The following TUBA8 variants were observed in gnomAD, a reference collection of about 807,000 sequenced individuals.
TUBA8 encodes tubulin alpha-8 chain.
Under a neutral mutation model 34.7 loss-of-function variants are expected in TUBA8, and 29 were observed. The observed-to-expected ratio is 0.84, with a 90% CI of 0.62 to 1.14. The LOEUF (loss-of-function observed/expected upper bound fraction) is 1.14, where lower values mean the gene tolerates loss of function less well. TUBA8 is among the 50% of genes most tolerant of loss of function. TUBA8 has a pLI of 0.00. For missense variants in TUBA8, 541 were observed against 599.2 expected, an observed-to-expected ratio of 0.90 and a Z score of 1.01; for synonymous variants, 226 against 231.2, an observed-to-expected ratio of 0.98 and a Z score of 0.21.
At chr22:18,130,590 A>ATT (rs362251) in intron 4 of TUBA8, 445 of 481,576 alleles carry the variant, frequency 9.2e-4, no homozygotes, top group Middle Eastern at 2.2e-3. Context: ...GGCCTGGCTA[A>ATT]TTTTTTTTTT....
At position 18,121,485 on chromosome 22, in the gene TUBA8, T is replaced by C. The variant is rs1928144714; in HGVS notation, c.10T>C (p.Cys4Arg). Residue 4 changes from cysteine (C) to arginine (R), a missense_variant, in exon 2 of 5, where the codon TGC becomes CGC. Coordinates refer to ENST00000330423, the MANE Select transcript of TUBA8 (RefSeq NM_018943.3). This position sits in a 1 kb window ranked among gnomAD's most constrained non-coding sequence, Gnocchi z 4.8. MRE[C>R]ISVHVGQAGV... ...TGCTTCCCTCTCCCCACAGCGGGAA[T>C]GCATATCAGTCCACGTGGGCCAAGC... 6.2e-7 allele frequency: 1 copy of C among 1,614,100 alleles called. No individual in the cohort carries two copies. The highest frequency in any genetic ancestry group is 2.2e-5 in the East Asian group (1 of 44,870).
Position 18,121,411 on chromosome 22 carries a change from G to A in TUBA8, c.4-68G>A, listed in dbSNP as rs1467393285. 1 of 1,405,644 alleles carries A rather than the reference G, an allele frequency of 7.1e-7. No individual in the cohort carries two copies. The highest frequency in any genetic ancestry group is 1.0e-6 in the Non-Finnish European group (1 of 990,318). 87.1% of individuals were successfully genotyped at this position (1,405,644 alleles called of 1,614,324 possible). On this transcript the variant is annotated intron_variant, in intron 1 of 4. Coordinates refer to ENST00000330423, the MANE Select transcript of TUBA8 (RefSeq NM_018943.3). The surrounding 1 kb of genome is among the most constrained non-coding windows in gnomAD (Gnocchi z 4.8). ...GGCTGGCCTGCAAGGTGAATGTTAT[G>A]GGGATGTAGGGCAAAGGCATGCTGG...
At position 18,131,462 on chromosome 22, in the gene TUBA8, C is replaced by T. The variant is rs1462708249; in HGVS notation, c.*326C>T. The T allele has an allele frequency of 2.8e-6, 1 of 353,050 alleles. No individual in the cohort carries two copies. Among genetic ancestry groups the T allele is most frequent in the Non-Finnish European group, 5.3e-6 (1 of 186,958 alleles). 21.9% of individuals were successfully genotyped at this position (353,050 alleles called of 1,614,324 possible). ...GATCGGGCTGGGTCCAGCCCCAAAA[C>T]ATGGCCTGCTGGCTGGGGAGTGGGA... On this transcript the variant is annotated 3_prime_UTR_variant, in exon 5 of 5. Coordinates refer to ENST00000330423, the MANE Select transcript of TUBA8 (RefSeq NM_018943.3). The surrounding 1 kb of genome is among the most constrained non-coding windows in gnomAD (Gnocchi z 5.3).
Position 18,131,071 on chromosome 22 carries a change from G to C in TUBA8, c.1285G>C (p.Glu429Gln). Residue 429 changes from glutamate (E) to glutamine (Q), a missense_variant, in exon 5 of 5, where the codon GAG (glutamate) becomes CAG (glutamine). Coordinates refer to ENST00000330423, the MANE Select transcript of TUBA8 (RefSeq NM_018943.3). This position sits in a 1 kb window ranked among gnomAD's most constrained non-coding sequence, Gnocchi z 5.3. ...GGCCAGGGAAGACTTAGCTGCCCTG[G>C]AGAAGGATTATGAAGAAGTGGGGAC... ...SEAREDLAAL[E>Q]KDYEEVGTDS... is the part of the protein sequence containing the mutation. The C allele has an allele frequency of 6.2e-7, 1 of 1,614,216 alleles. No homozygotes were observed. Among genetic ancestry groups the C allele is most frequent in the Non-Finnish European group, 8.5e-7 (1 of 1,180,032 alleles).
rs142333748 is a variant in TUBA8 at position 18,124,353 on chromosome 22, G to T, written c.375+49G>T. ...GGGTGGGTCAGGCTGGAGTGGACAG[G>T]CTTGGCCCCATGCCTCTTTGATCAG... On this transcript the variant is annotated intron_variant, in intron 3 of 4. Coordinates refer to ENST00000330423, the MANE Select transcript of TUBA8 (RefSeq NM_018943.3). This position sits in a 1 kb window ranked among gnomAD's most constrained non-coding sequence, Gnocchi z 4.3. The T allele has an allele frequency of 6.9e-6, 11 of 1,587,936 alleles. No individual in the cohort carries two copies. The highest frequency in any genetic ancestry group is 1.8e-5 in the Admixed American group (1 of 56,928).
In TUBA8 at chr22:18,110,882, G is replaced by T; in HGVS notation, c.3+14G>T. On this transcript the variant is annotated intron_variant, in intron 1 of 4. Coordinates refer to ENST00000330423, the MANE Select transcript of TUBA8 (RefSeq NM_018943.3). This position sits in a 1 kb window ranked among gnomAD's most constrained non-coding sequence, Gnocchi z 6.2. Reference sequence around the variant, plus strand: ...GCGGCAGCGATGGTGAGGCTTCCCGGGGCCAGGCGGGCTGCGGGCGCGCGG... The same window carrying T: ...GCGGCAGCGATGGTGAGGCTTCCCGTGGCCAGGCGGGCTGCGGGCGCGCGG... 1 of 1,546,676 alleles carries T rather than the reference G, an allele frequency of 6.5e-7. No individual in the cohort carries two copies. Among genetic ancestry groups the T allele is most frequent in the East Asian group, 2.4e-5 (1 of 42,148 alleles).
At position 18,126,896 on chromosome 22, in the gene TUBA8, C is replaced by A. The variant is rs1569201091; in HGVS notation, c.918C>A (p.Asp306Glu). Reference protein sequence around the residue: ...FEPNSQMVKCDPRHGKYMACC... With the variant: ...FEPNSQMVKCEPRHGKYMACC... ...CCAACAGCCAGATGGTGAAGTGCGA[C>A]CCGAGACATGGCAAGTACATGGCCT... is the stretch of plus-strand genomic sequence containing the variant. Residue 306 changes from aspartate to glutamate, a missense_variant, in exon 4 of 5, where the codon GAC becomes GAA. Physicochemically the swap from Asp to Glu is conservative, Grantham distance 45. Coordinates refer to ENST00000330423, the MANE Select transcript of TUBA8 (RefSeq NM_018943.3). The surrounding 1 kb of genome is among the most constrained non-coding windows in gnomAD (Gnocchi z 4.0). The A allele has an allele frequency of 1.2e-6, 2 of 1,611,762 alleles. No homozygotes were observed. The highest frequency in any genetic ancestry group is 2.2e-5 in the South Asian group (2 of 90,694).
Position 18,126,051 on chromosome 22 carries a change from C to A in TUBA8, c.376-303C>A, listed in dbSNP as rs766287552. The A allele has an allele frequency of 9.8e-6, 4 of 406,722 alleles. No homozygotes were observed. The highest frequency in any genetic ancestry group is 1.8e-5 in the Non-Finnish European group (4 of 220,388). 25.2% of individuals were successfully genotyped at this position (406,722 alleles called of 1,614,324 possible). ...TAACTTTTAAAATTTTTTGTAGATG[C>A]GAGGTCTCACTATGTTGCCCATGCT... On this transcript the variant is annotated intron_variant, in intron 3 of 4. Coordinates refer to ENST00000330423, the MANE Select transcript of TUBA8 (RefSeq NM_018943.3). The surrounding 1 kb of genome is among the most constrained non-coding windows in gnomAD (Gnocchi z 4.0).
In TUBA8 at chr22:18,124,409, A is replaced by G; in HGVS notation, c.375+105A>G. Reference sequence around the variant, plus strand: ...GGAGAGGCATCTGACCCCTGGCTATAGGATGGAGCTCCTAAGGTTTGGGAA... The same window carrying G: ...GGAGAGGCATCTGACCCCTGGCTATGGGATGGAGCTCCTAAGGTTTGGGAA... On this transcript the variant is annotated intron_variant, in intron 3 of 4. Coordinates refer to ENST00000330423, the MANE Select transcript of TUBA8 (RefSeq NM_018943.3). The surrounding 1 kb of genome is among the most constrained non-coding windows in gnomAD (Gnocchi z 4.3). 2 of 1,341,422 alleles carry G rather than the reference A, an allele frequency of 1.5e-6. No individual in the cohort carries two copies. Among genetic ancestry groups the G allele is most frequent in the East Asian group, 2.5e-5 (1 of 40,214 alleles). The allele number at this position is 1,341,422 out of a possible 1,614,324, so 83.1% of individuals were successfully genotyped here.
chr22:18,125,889 A>C, intron 3 of TUBA8: 1 of 188,062 alleles, frequency 5.3e-6, no homozygotes, highest in Non-Finnish European at 1.1e-5. Flanking sequence ...AGAGACAGAG[A>C]CTTGCTCTGT....
rs764819598 is a variant in TUBA8, at chr22:18,121,595, T to G, written c.120T>G (p.Ala40=). Residue 40 remains alanine, a synonymous_variant, in exon 2 of 5, where the codon GCT becomes GCG. Coordinates refer to ENST00000330423, the MANE Select transcript of TUBA8 (RefSeq NM_018943.3). The surrounding 1 kb of genome is among the most constrained non-coding windows in gnomAD (Gnocchi z 4.8). ...CAGACGGCACTTTTGATGCTCAAGC[T>G]AGCAAGATCAACGATGATGACTCCT... ...IQADGTFDAQ[A]SKINDDDSFT... 52 of 1,614,034 alleles carry G rather than the reference T, an allele frequency of 3.2e-5. No individual in the cohort carries two copies. The highest frequency in any genetic ancestry group is 4.3e-5 in the Non-Finnish European group (51 of 1,180,026).
At chr22:18,130,615 T>G in intron 4 of TUBA8, 5 of 558,856 alleles carry the variant, frequency 8.9e-6, no homozygotes, top group South Asian at 4.6e-5. Flanking sequence ...TTGGTAGAGA[T>G]GGGTTTTTGC....
In TUBA8 at chr22:18,119,072, G is replaced by A. The variant is rs1300786679; in HGVS notation, c.4-2407G>A. 1 of 152,458 alleles carries A rather than the reference G, an allele frequency of 6.6e-6. No individual in the cohort carries two copies. Among genetic ancestry groups the A allele is most frequent in the Non-Finnish European group, 1.5e-5 (1 of 68,224 alleles). 9.4% of individuals were successfully genotyped at this position (152,458 alleles called of 1,614,324 possible). A position where few individuals can be genotyped will look rare whatever the true frequency, so the allele number is the denominator to read the frequency against. On this transcript the variant is annotated intron_variant, in intron 1 of 4. Transcript: ENST00000330423. The surrounding 1 kb of genome is among the most constrained non-coding windows in gnomAD (Gnocchi z 5.9). ...GAGGGGGCGACAGACCCAGAAGGCTGAGGGTTAGGACCACAGAGGACACTG... is the reference window on the plus strand; with the variant it reads ...GAGGGGGCGACAGACCCAGAAGGCTAAGGGTTAGGACCACAGAGGACACTG...
chr22:18,121,627 C>T lies in TUBA8; in HGVS notation c.152C>T (p.Thr51Ile). The change falls in exon 2 of 5, where the codon ACC (threonine) becomes ATC (isoleucine). Residue 51 changes from threonine to isoleucine, a missense_variant. Coordinates refer to ENST00000330423, the MANE Select transcript of TUBA8 (RefSeq NM_018943.3). The surrounding 1 kb of genome is among the most constrained non-coding windows in gnomAD (Gnocchi z 4.8). ...SKINDDDSFT[T>I]FFSETGNGKH... is the part of the protein sequence containing the mutation. ...ATCAACGATGATGACTCCTTCACCA[C>T]CTTTTTCAGCGAGACTGGCAATGGG... The T allele has an allele frequency of 6.2e-7, 1 of 1,614,248 alleles. No homozygotes were observed. The highest frequency in any genetic ancestry group is 8.5e-7 in the Non-Finnish European group (1 of 1,180,046).
rs1379942466 is a variant in TUBA8, at chr22:18,118,307, T to C, written c.4-3172T>C. 2 of 152,212 alleles carry C rather than the reference T, an allele frequency of 1.3e-5. No homozygotes were observed. Among genetic ancestry groups the C allele is most frequent in the East Asian group, 1.9e-4 (1 of 5,200 alleles). The allele number at this position is 152,212 out of a possible 1,614,324, so 9.4% of individuals were successfully genotyped here. A position where few individuals can be genotyped will look rare whatever the true frequency, so the allele number is the denominator to read the frequency against. ...TCTTCAATTAAAGAAAAAAGAGCCTTCTCTAACTAACGGGGCTGTCTGGAT... is the reference window on the plus strand; with the variant it reads ...TCTTCAATTAAAGAAAAAAGAGCCTCCTCTAACTAACGGGGCTGTCTGGAT... On this transcript the variant is annotated intron_variant, in intron 1 of 4. Coordinates refer to ENST00000330423, the MANE Select transcript of TUBA8 (RefSeq NM_018943.3). The surrounding 1 kb of genome is among the most constrained non-coding windows in gnomAD (Gnocchi z 4.0).
chr22:18,111,086 C>T lies in TUBA8; in HGVS notation c.3+218C>T, dbSNP rs1927790087. The T allele has an allele frequency of 3.0e-6, 2 of 677,120 alleles. No individual in the cohort carries two copies. Among genetic ancestry groups the T allele is most frequent in the Non-Finnish European group, 5.0e-6 (2 of 400,868 alleles). The allele number at this position is 677,120 out of a possible 1,614,324, so 41.9% of individuals were successfully genotyped here. A position where few individuals can be genotyped will look rare whatever the true frequency, so the allele number is the denominator to read the frequency against. Reference sequence around the variant, plus strand: ...AATAGAGACCAGGGGCCAGTTGTTCCTTAAAGGGACCTAAGGGAGCTTTGC... The same window carrying T: ...AATAGAGACCAGGGGCCAGTTGTTCTTTAAAGGGACCTAAGGGAGCTTTGC... On this transcript the variant is annotated intron_variant, in intron 1 of 4. Transcript: ENST00000330423. This position sits in a 1 kb window ranked among gnomAD's most constrained non-coding sequence, Gnocchi z 5.1.
rs1452508533 is a variant in TUBA8 at position 18,131,320 on chromosome 22, C to T, written c.*184C>T. ...AGTGGACACTGAGCTTCATCAGGCC[C>T]TCCCTGGGTAGGAGCAGCTTTGTGT... On this transcript the variant is annotated 3_prime_UTR_variant, in exon 5 of 5. Transcript: ENST00000330423. The surrounding 1 kb of genome is among the most constrained non-coding windows in gnomAD (Gnocchi z 5.3). 2.1e-5 allele frequency: 13 copies of T among 632,674 alleles called. No individual in the cohort carries two copies. Among genetic ancestry groups the T allele is most frequent in the Middle Eastern group, 4.3e-4 (1 of 2,344 alleles). 39.2% of individuals were successfully genotyped at this position (632,674 alleles called of 1,614,324 possible). A position where few individuals can be genotyped will look rare whatever the true frequency, so the allele number is the denominator to read the frequency against.
chr22:18,112,128 T>G (rs1010990530), intron 1 of TUBA8: 15 of 152,352 alleles, frequency 9.8e-5, no homozygotes, highest in Admixed American at 2.0e-4. Flanking sequence ...GCTAGCTGTG[T>G]GACTTCAGGA....
At position 18,126,228 on chromosome 22, in the gene TUBA8, A is replaced by G; in HGVS notation, c.376-126A>G. 1 of 914,744 alleles carries G rather than the reference A, an allele frequency of 1.1e-6. No individual in the cohort carries two copies. Among genetic ancestry groups the G allele is most frequent in the Non-Finnish European group, 1.8e-6 (1 of 569,096 alleles). The allele number at this position is 914,744 out of a possible 1,614,324, so 56.7% of individuals were successfully genotyped here. On this transcript the variant is annotated intron_variant, in intron 3 of 4. Coordinates refer to ENST00000330423, the MANE Select transcript of TUBA8 (RefSeq NM_018943.3). The surrounding 1 kb of genome is among the most constrained non-coding windows in gnomAD (Gnocchi z 4.0). The stretch of plus-strand genomic sequence containing the variant: ...ACTCCTTTTGTTTCCTTACTTCTTC[A>G]AAGCTGTTTTGATTTCATCCACAAA...
Sources: gnomAD v4.1 joint callset for allele counts on GRCh38, gnomAD v4.1.1 for gene constraint, Gnocchi (gnomAD v3.1) non-coding constraint, MANE v1.5 for transcripts, NCBI Gene and HGNC (gene_info 2026-07-23, HGNC 2026-07-21) for gene names.